Variants in DLGAP2 observed in about 807,000 individuals in gnomAD.
DLGAP2 encodes disks large-associated protein 2.
A neutral mutation model predicts 100.3 loss-of-function variants in DLGAP2; 26 were observed. The ratio of observed to expected loss-of-function variants is 0.26; its 90% CI spans 0.19 to 0.36. The LOEUF (loss-of-function observed/expected upper bound fraction) is 0.36. DLGAP2 is among the 10% of genes least tolerant of loss of function. The pLI is 1.00. For synonymous variants in DLGAP2, 886 were observed against 630.1 expected, an observed-to-expected ratio of 1.41 and a Z score of -6.08; for missense variants, 1,858 against 1,453.2, an observed-to-expected ratio of 1.28 and a Z score of -4.53.
intron 2 of DLGAP2, among the ~76,000 whole-genome samples, chr8:945,184 G>A (rs147470427): frequency 1.3e-5 from 2 of 152,288 alleles, no homozygotes; most frequent in Non-Finnish European, 2.9e-5. Flanking sequence ...TTATCTGACT[G>A]GTTTATAAAA....
At chr8:1,570,641 G>A (rs1337756560) in intron 6 of DLGAP2, among the ~76,000 whole-genome samples, 2 of 152,064 alleles carry the variant, frequency 1.3e-5, no homozygotes, top group South Asian at 2.1e-4. Flanking sequence ...AGGAGAGAAG[G>A]ATGAAGAGAG....
chr8:917,186 G>A (rs1433750692), intron 2 of DLGAP2, among the ~76,000 whole-genome samples: 1 of 151,874 alleles, frequency 6.6e-6, no homozygotes, highest in African/African-American at 2.4e-5. Context: ...CTAAGGTTTG[G>A]ACATCAGTAT....
At chr8:1,113,062 T>C (rs182609175) in intron 2 of DLGAP2, among the ~76,000 whole-genome samples, 199 of 152,334 alleles carry the variant, frequency 1.3e-3, no homozygotes, top group African/African-American at 4.5e-3. Context: ...CATTGGTCTG[T>C]GTGTCTGTTT....
intron 8 of DLGAP2, among the ~76,000 whole-genome samples, chr8:1,661,934 C>A (rs1378482098): frequency 6.6e-6 from 1 of 152,198 alleles, no homozygotes; most frequent in African/African-American, 2.4e-5. Flanking sequence ...TATGGTGAGC[C>A]TGGGTGCTCT....
At chr8:912,318 TG>T (rs1798501858) in intron 2 of DLGAP2, among the ~76,000 whole-genome samples, 1 of 152,200 alleles carries the variant, frequency 6.6e-6, no homozygotes, top group South Asian at 2.1e-4. Flanking sequence ...AAAAGTTGGG[TG>T]GAAAGGTTTC....
At chr8:1,393,058 C>T (rs1283877009) in intron 3 of DLGAP2, among the ~76,000 whole-genome samples, 25 of 38,954 alleles carry the variant, frequency 6.4e-4, no homozygotes, top group Admixed American at 3.9e-3. Context: ...TACTGAGCGC[C>T]ACCTCCTCGT....
intron 3 of DLGAP2, among the ~76,000 whole-genome samples, chr8:1,448,776 C>T (rs956857393): frequency 2.6e-5 from 4 of 152,200 alleles, no homozygotes; most frequent in Admixed American, 2.0e-4. Context: ...CCGTTCCCCT[C>T]ACTGCGTGCA....
chr8:1,055,695 C>G (rs1349460267), intron 2 of DLGAP2, among the ~76,000 whole-genome samples: 1 of 152,204 alleles, frequency 6.6e-6, no homozygotes, highest in Non-Finnish European at 1.5e-5. Flanking sequence ...AAAGCAGGTT[C>G]CAGAGCTGCA....
intron 3 of DLGAP2, among the ~76,000 whole-genome samples, chr8:1,390,068 A>G (rs754029470): frequency 4.0e-5 from 6 of 151,796 alleles, no homozygotes; most frequent in Non-Finnish European, 7.4e-5. Flanking sequence ...ACAGGCTGAC[A>G]TTTCATCCGT....
At chr8:835,059 T>G (rs1796848130) in intron 1 of DLGAP2, among the ~76,000 whole-genome samples, 1 of 152,120 alleles carries the variant, frequency 6.6e-6, no homozygotes, top group African/African-American at 2.4e-5. Context: ...GTGCACGTGT[T>G]AGTGTGCATG....
Position 1,098,787 on chromosome 8 carries a change from GCCGCCCACGGACGCCGCCACCCA to G in DLGAP2, c.74-160062_74-160040del, listed in dbSNP as rs1308372739. Among the ~76,000 whole-genome samples the G allele has an allele frequency of 4.1e-3, 546 of 131,668 alleles. 8 individuals carry two copies. Among genetic ancestry groups the G allele is most frequent in the African/African-American group, 0.013 (510 of 37,836 alleles). 86.4% of individuals were successfully genotyped at this position (131,668 alleles called of 152,430 possible). ...CGCCGCCACCCACGCCAGGCTCCCG[GCCGCCCACGGACGCCGCCACCCA>G]CTCCAGGCTCCCGGCCGCGCACGGA... On this transcript the variant is annotated intron_variant, in intron 2 of 14. Coordinates refer to ENST00000637795, the MANE Select transcript of DLGAP2 (RefSeq NM_001346810.2).
intron 2 of DLGAP2, among the ~76,000 whole-genome samples, chr8:1,031,088 G>T (rs1029507239): frequency 1.3e-5 from 2 of 152,224 alleles, no homozygotes; most frequent in African/African-American, 2.4e-5. Flanking sequence ...GGCGTCTGCG[G>T]GAGAAGCTTC....
intron 5 of DLGAP2, among the ~76,000 whole-genome samples, chr8:1,557,284 G>T (rs1049395586): frequency 6.6e-6 from 1 of 152,172 alleles, no homozygotes. Context: ...TGTGCAGCCG[G>T]GGGGCTCACA....
intron 2 of DLGAP2, among the ~76,000 whole-genome samples, chr8:974,941 C>G (rs901429520): frequency 6.6e-6 from 1 of 152,114 alleles, no homozygotes. Flanking sequence ...GGTATAGAAA[C>G]TTAAGCCAAG....
intron 1 of DLGAP2, among the ~76,000 whole-genome samples, chr8:846,294 C>T (rs1337248418): frequency 6.6e-6 from 1 of 152,198 alleles, no homozygotes; most frequent in African/African-American, 2.4e-5. Flanking sequence ...CTCCTCCTCC[C>T]ACACTCTTAC....
intron 2 of DLGAP2, among the ~76,000 whole-genome samples, chr8:1,092,937 G>T (rs1041807615): frequency 1.2e-4 from 19 of 152,316 alleles, no homozygotes; most frequent in Admixed American, 9.8e-4. Context: ...GGTGTTTGTG[G>T]ATAAAGAGAG....
At position 1,548,999 on chromosome 8, in the gene DLGAP2, C is replaced by T. The variant is rs1229701367; in HGVS notation, c.546C>T (p.Gly182=). 1.9e-6 allele frequency: 3 copies of T among 1,599,174 alleles called. No individual in the cohort carries two copies. The highest frequency in any genetic ancestry group is 2.5e-6 in the Non-Finnish European group (3 of 1,178,928). The change falls in exon 5 of 15, where the codon GGC becomes GGT. Residue 182 remains glycine (G), a synonymous_variant. Coordinates refer to ENST00000637795, the MANE Select transcript of DLGAP2 (RefSeq NM_001346810.2). Reference sequence around the variant, plus strand: ...ACGACTGCGCTGTGGCCCACGCGGGCGCCAAGATCAACCGCATCCCGGCCA... The same window carrying T: ...ACGACTGCGCTGTGGCCCACGCGGGTGCCAAGATCAACCGCATCCCGGCCA... ...TRDDCAVAHA[G]AKINRIPANL... is the part of the protein sequence containing the mutation.
At chr8:1,672,228 A>T (rs1294270260) in intron 10 of DLGAP2, among the ~76,000 whole-genome samples, 11 of 134,514 alleles carry the variant, frequency 8.2e-5, no homozygotes, top group Non-Finnish European at 9.5e-5. Flanking sequence ...TTTATTTTTA[A>T]TTTTTTTTTT....
chr8:1,060,044 T>C (rs965028933), intron 2 of DLGAP2, among the ~76,000 whole-genome samples: 1 of 152,088 alleles, frequency 6.6e-6, no homozygotes, highest in Non-Finnish European at 1.5e-5. Flanking sequence ...GGAAGTGGAA[T>C]CTCAGGACCT....
Sources: gnomAD v4.1 joint callset for allele counts (sites outside exome capture counted in the v4.1 genomes callset) on GRCh38, gnomAD v4.1.1 for gene constraint, MANE v1.5 for transcripts, NCBI Gene and HGNC (gene_info 2026-07-23, HGNC 2026-07-21) for gene names.